The following RNF38 variants were observed in gnomAD, a reference collection of about 807,000 sequenced individuals.
RNF38 encodes the protein E3 ubiquitin-protein ligase RNF38.
A neutral mutation model predicts 67.2 loss-of-function variants in RNF38; 15 were observed. The observed-to-expected ratio is 0.22, with a 90% CI of 0.15 to 0.34. The LOEUF (loss-of-function observed/expected upper bound fraction) is 0.34, where lower values mean the gene tolerates loss of function less well. Ranked by LOEUF, RNF38 falls within the 10% of genes least tolerant of loss-of-function variation. RNF38 has a pLI of 1.00. For missense variants in RNF38, 524 were observed against 639.9 expected (o/e 0.82, Z 1.95); for synonymous variants, 220 against 218.8 (o/e 1.01, Z -0.05).
At chr9:36,425,375 T>A (rs1838741377) in intron 1 of RNF38, among the ~76,000 whole-genome samples, 1 of 152,162 alleles carries the variant, frequency 6.6e-6, no homozygotes, top group African/African-American at 2.4e-5. Flanking sequence ...GAGGCCAGTT[T>A]TAGACAAAAA....
intron 1 of RNF38, 104 bp from the exon 2 acceptor site, chr9:36,390,720 T>C: frequency 8.6e-7 from 1 of 1,165,048 alleles, no homozygotes; most frequent in Non-Finnish European, 1.2e-6. Context: ...TTGATGATTC[T>C]GCTAGCGAAG....
At chr9:36,417,612 G>A (rs572586325) in intron 2 of RNF38, among the ~76,000 whole-genome samples, 60 of 152,246 alleles carry the variant, frequency 3.9e-4, no homozygotes, top group African/African-American at 1.4e-3. Context: ...CTGGGTTCAA[G>A]AGATTCTCCT....
intron 4 of RNF38, among the ~76,000 whole-genome samples, chr9:36,366,339 T>C (rs1016437617): frequency 6.6e-6 from 1 of 152,222 alleles, no homozygotes; most frequent in African/African-American, 2.4e-5. Flanking sequence ...ATGATTTTAT[T>C]AGACTTTTTT....
rs1837335242 is a variant in RNF38 at position 36,393,984 on chromosome 9, T to C, written c.13-3368A>G. Among the ~76,000 whole-genome samples the C allele has an allele frequency of 2.0e-5, 3 of 152,102 alleles. No homozygotes were observed. The South Asian group carries it at 6.2e-4, about 32-fold the overall frequency. On this transcript the variant is annotated intron_variant, in intron 1 of 11. Transcript: ENST00000259605. The stretch of plus-strand genomic sequence containing the variant: ...AACTTGGAAGGAGACACGGATGAAA[T>C]CACAGCTCTGGGCCGGGTACAGTGG...
intron 1 of RNF38, among the ~76,000 whole-genome samples, chr9:36,399,505 A>G (rs1206139997): frequency 6.8e-6 from 1 of 148,120 alleles, no homozygotes; most frequent in African/African-American, 2.4e-5. Context: ...TATATTATAT[A>G]ATACCATATT....
intron 1 of RNF38, among the ~76,000 whole-genome samples, chr9:36,468,219 T>C (rs1839910516): frequency 6.9e-6 from 1 of 145,338 alleles, no homozygotes; most frequent in South Asian, 2.2e-4. Flanking sequence ...TCCAGCCTGC[T>C]GGGCAGAGCA....
In RNF38 at chr9:36,356,455, C is replaced by T. The variant is rs769462459; in HGVS notation, c.757G>A (p.Val253Ile). Reference protein sequence around the residue: ...VPPPMLQACSVQHLPVPYAAF... With the variant: ...VPPPMLQACSIQHLPVPYAAF... ...GCATATGGTACTGGTAAGTGCTGAA[C>T]TGAACATGCCTGAAGCATCTGTAAG... The change falls in exon 6 of 12, where the codon GTT becomes ATT. Residue 253 changes from valine (V) to isoleucine (I), a missense_variant. By Grantham distance (29) the Val-to-Ile change is conservative. Around this residue, in one of 2 missense-constraint regions of RNF38, gnomAD observed 461 missense variants for 517.4 expected, o/e 0.89. Transcript: ENST00000259605. The T allele has an allele frequency of 9.7e-5, 155 of 1,601,540 alleles. No homozygotes were observed. Among genetic ancestry groups the T allele is most frequent in the Non-Finnish European group, 1.3e-4 (151 of 1,174,808 alleles).
chr9:36,362,634 C>A (rs1834644253), intron 4 of RNF38, among the ~76,000 whole-genome samples: 2 of 151,954 alleles, frequency 1.3e-5, no homozygotes, highest in Non-Finnish European at 1.5e-5. Flanking sequence ...GAATCACTAT[C>A]CTGATTTTTC....
At chr9:36,400,322 T>G (rs1157384814), upstream of RNF38, 1 of 1,256,108 alleles carries the variant, frequency 8.0e-7, no homozygotes, top group East Asian at 3.1e-5. Flanking sequence ...TGACATCATT[T>G]CACCTGCGTC....
chr9:36,439,806 A>C (rs1184342551), intron 1 of RNF38, among the ~76,000 whole-genome samples: 3 of 151,774 alleles, frequency 2.0e-5, no homozygotes, highest in South Asian at 2.1e-4. Context: ...AAAAAAAAAA[A>C]AAAAACTTAT....
chr9:36,480,797 G>A (rs1325146143), intron 1 of RNF38, among the ~76,000 whole-genome samples: 1 of 151,398 alleles, frequency 6.6e-6, no homozygotes, highest in East Asian at 2.0e-4. Context: ...TTATCCACCC[G>A]CCTTGGCCTC....
rs1283009252 is a variant in RNF38 at position 36,400,238 on chromosome 9, G to A, written c.-130C>T. The stretch of plus-strand genomic sequence containing the variant: ...TTGCATCCCCTGAGAACAAAACGCA[G>A]CCTATCCAGAAACCCACGGAAGCAG... On this transcript the variant is annotated 5_prime_UTR_variant, in exon 1 of 12. Coordinates refer to ENST00000259605, the MANE Select transcript of RNF38 (RefSeq NM_022781.5). 1.4e-6 allele frequency: 2 copies of A among 1,424,644 alleles called. No homozygotes were observed. The highest frequency in any genetic ancestry group is 2.8e-5 in the Admixed American group (1 of 35,736). The allele number at this position is 1,424,644 out of a possible 1,614,324, so 88.3% of individuals were successfully genotyped here. A position where few individuals can be genotyped will look rare whatever the true frequency, so the allele number is the denominator to read the frequency against.
In RNF38 at chr9:36,359,118, T is replaced by C. The variant is rs548783309; in HGVS notation, c.571-1176A>G. On this transcript the variant is annotated intron_variant, in intron 4 of 11. Transcript: ENST00000259605. Reference sequence around the variant, plus strand: ...GATTACAGGTGTGAGCCGCTGCACCTGGCCCCATCGATCCTCTAGGTTGTC... The same window carrying C: ...GATTACAGGTGTGAGCCGCTGCACCCGGCCCCATCGATCCTCTAGGTTGTC... 5.9e-5 allele frequency among the ~76,000 whole-genome samples: 9 copies of C among 152,320 alleles called. No homozygotes were observed. In the South Asian group the frequency reaches 1.9e-3, roughly 32 times the overall value.
chr9:36,400,452 G>C (rs986557420), upstream of RNF38: 1 of 1,063,902 alleles, frequency 9.4e-7, no homozygotes, highest in Non-Finnish European at 1.1e-6. Context: ...GGGCGGCCGA[G>C]GCAAACCTTA....
intron 1 of RNF38, among the ~76,000 whole-genome samples, chr9:36,395,994 A>C (rs1349706983): frequency 1.3e-5 from 2 of 152,202 alleles, no homozygotes; most frequent in Non-Finnish European, 2.9e-5. Context: ...TTGGAATATT[A>C]GGAAGAAAAA....
intron 1 of RNF38, among the ~76,000 whole-genome samples, chr9:36,438,188 T>G (rs185871143): frequency 1.3e-5 from 2 of 152,212 alleles, no homozygotes; most frequent in East Asian, 3.9e-4. Flanking sequence ...TCCTCCCATC[T>G]CAGTTTCCCG....
chr9:36,465,075 G>C (rs1839828386), intron 1 of RNF38, among the ~76,000 whole-genome samples: 1 of 152,162 alleles, frequency 6.6e-6, no homozygotes, highest in Non-Finnish European at 1.5e-5. Context: ...CCACCCACTA[G>C]GAGGGCTATA....
At chr9:36,406,477 T>C (rs573260225) in intron 2 of RNF38, among the ~76,000 whole-genome samples, 1 of 152,364 alleles carries the variant, frequency 6.6e-6, no homozygotes, top group African/African-American at 2.4e-5. Flanking sequence ...GCCGAGTTAG[T>C]GGCCTCTCCT....
chr9:36,466,195 G>C (rs1839859166), intron 1 of RNF38, among the ~76,000 whole-genome samples: 1 of 152,210 alleles, frequency 6.6e-6, no homozygotes, highest in Non-Finnish European at 1.5e-5. Context: ...AAAAGGTCCA[G>C]AACAGGCTAA....
Sources: allele counts gnomAD v4.1 joint callset (sites outside exome capture counted in the v4.1 genomes callset), GRCh38; gene constraint gnomAD v4.1.1; regional missense constraint gnomAD v4.1.1; transcripts MANE v1.5; gene names NCBI Gene and HGNC (gene_info 2026-07-23, HGNC 2026-07-21).